Variants in CFAP206 observed in about 807,000 individuals in gnomAD.
The protein encoded by CFAP206 is cilia and flagella associated protein 206.
CFAP206 carries 53 observed loss-of-function variants against 65.4 expected under a neutral mutation model. That is an observed-to-expected ratio of 0.81 (90% CI 0.65 to 1.02). The LOEUF (loss-of-function observed/expected upper bound fraction) is 1.02, where lower values mean the gene tolerates loss of function less well. Ranked by LOEUF, CFAP206 falls within the 50% of genes least tolerant of loss-of-function variation. The probability of loss-of-function intolerance (pLI) is 0.00; values close to 1 mark genes in which losing one functional copy is unlikely to be tolerated. For missense variants in CFAP206, 663 were observed against 753.2 expected (o/e 0.88, Z 1.40); for synonymous variants, 250 against 254.4 (o/e 0.98, Z 0.17).
intron 11 of CFAP206, 165 bp downstream of exon 11, chr6:87,435,218 G>T: frequency 4.2e-6 from 2 of 473,724 alleles, no homozygotes; most frequent in Non-Finnish European, 3.8e-6. Context: ...AAAACTAATT[G>T]AATCAAAGAA....
intron 3 of CFAP206, 64 bp downstream of exon 3, chr6:87,410,732 A>AT: frequency 1.8e-5 from 22 of 1,216,414 alleles, no homozygotes; most frequent in Non-Finnish European, 2.4e-5. Flanking sequence ...CAATATTTGT[A>AT]TTAGTCATTA....
At chr6:87,428,090 C>T (rs1163490190) in intron 8 of CFAP206, among the ~76,000 whole-genome samples, 3 of 149,496 alleles carry the variant, frequency 2.0e-5, no homozygotes, top group East Asian at 2.0e-4. Context: ...CGGGTTCAAG[C>T]GATTCTCCTG....
Position 87,464,182 on chromosome 6 carries a change from C to T in CFAP206, c.1801C>T (p.Arg601Cys), listed in dbSNP as rs146571078. 7.2e-4 allele frequency: 1,170 copies of T among 1,614,072 alleles called. 1 individual carries two copies. The highest frequency in any genetic ancestry group is 9.3e-4 in the Non-Finnish European group (1,095 of 1,179,996). Residue 601 changes from arginine (R) to cysteine (C), a missense_variant, in exon 13 of 13, where the codon CGT (arginine) becomes TGT (cysteine). Physicochemically the swap from Arg to Cys is radical, Grantham distance 180. Transcript: ENST00000369562. ...PRPQIYLAGL[R>C]GGKSEITDEV... ...GCCTCAGATTTACTTGGCTGGTCTT[C>T]GTGGAGGAAAGAGCGAAATCACCGA... is the stretch of plus-strand genomic sequence containing the variant.
chr6:87,415,578 G>A, intron 4 of CFAP206, 108 bp from the exon 5 acceptor site: 1 of 996,314 alleles, frequency 1.0e-6, no homozygotes, highest in African/African-American at 1.6e-5. Flanking sequence ...GAAATTACTT[G>A]TTTTCCTGAA....
intron 11 of CFAP206, among the ~76,000 whole-genome samples, chr6:87,443,477 A>T (rs1259754520): frequency 6.6e-6 from 1 of 151,756 alleles, no homozygotes; most frequent in Admixed American, 6.6e-5. Context: ...ATTTTCCTTT[A>T]TCTAGTTCCT....
intron 11 of CFAP206, among the ~76,000 whole-genome samples, chr6:87,439,096 G>T (rs1768324692): frequency 6.6e-6 from 1 of 152,014 alleles, no homozygotes. Context: ...TAATGAATTT[G>T]CTAAGTTTCC....
intron 11 of CFAP206, chr6:87,435,698 C>T (rs1361442775): frequency 6.6e-6 from 1 of 152,292 alleles, no homozygotes; most frequent in East Asian, 1.9e-4. Flanking sequence ...CTCACTCTGT[C>T]ACCCAGGATG....
At chr6:87,437,053 C>T (rs1469571091) in intron 11 of CFAP206, among the ~76,000 whole-genome samples, 1 of 152,032 alleles carries the variant, frequency 6.6e-6, no homozygotes, top group Non-Finnish European at 1.5e-5. Context: ...TCACTGCAAC[C>T]TCCACCTCCC....
intron 11 of CFAP206, among the ~76,000 whole-genome samples, chr6:87,453,142 T>A (rs1768572449): frequency 1.3e-5 from 2 of 152,010 alleles, no homozygotes; most frequent in African/African-American, 4.8e-5. Context: ...GATTTCTCTG[T>A]GGAAACTTTA....
chr6:87,453,220 T>G (rs897866376), intron 11 of CFAP206, among the ~76,000 whole-genome samples: 17 of 152,050 alleles, frequency 1.1e-4, no homozygotes, highest in Non-Finnish European at 4.4e-5. Context: ...TATCCTAGAA[T>G]GGTATATATC....
chr6:87,428,900 AT>A (rs1768105609), intron 9 of CFAP206, 76 bp downstream of exon 9: 14 of 1,343,050 alleles, frequency 1.0e-5, no homozygotes, highest in Non-Finnish European at 1.5e-5. Flanking sequence ...TGTTCTAAAA[AT>A]TTCATATCTT....
chr6:87,450,023 C>A (rs1270732329), intron 11 of CFAP206, among the ~76,000 whole-genome samples: 1 of 152,136 alleles, frequency 6.6e-6, no homozygotes, highest in Non-Finnish European at 1.5e-5. Flanking sequence ...GGTCTAGTTT[C>A]ATTCTTCTGC....
At chr6:87,434,199 C>T (rs763748698) in intron 10 of CFAP206, among the ~76,000 whole-genome samples, 3 of 151,898 alleles carry the variant, frequency 2.0e-5, no homozygotes, top group Non-Finnish European at 4.4e-5. Context: ...TCCACGAGTT[C>T]GAGACCAGCC....
chr6:87,455,307 A>G (rs566600714), intron 11 of CFAP206, among the ~76,000 whole-genome samples: 4 of 152,356 alleles, frequency 2.6e-5, no homozygotes, highest in South Asian at 4.1e-4. Flanking sequence ...ATTAAGAAGG[A>G]AATTAAAAAA....
At chr6:87,443,973 T>C (rs552173515) in intron 11 of CFAP206, among the ~76,000 whole-genome samples, 1 of 152,302 alleles carries the variant, frequency 6.6e-6, no homozygotes, top group Non-Finnish European at 1.5e-5. Flanking sequence ...ATTTTCATCA[T>C]AGTTCGGTTC....
chr6:87,416,198 A>C (rs1184404044), intron 5 of CFAP206, among the ~76,000 whole-genome samples: 2 of 152,200 alleles, frequency 1.3e-5, no homozygotes, highest in African/African-American at 4.8e-5. Context: ...GGAAAAGCTG[A>C]AAACGGATAT....
chr6:87,423,342 G>C (rs542184251), intron 7 of CFAP206, among the ~76,000 whole-genome samples: 3 of 151,356 alleles, frequency 2.0e-5, no homozygotes, highest in African/African-American at 7.3e-5. Flanking sequence ...TCCGCCTCCC[G>C]GGTTCACGCC....
chr6:87,443,633 C>T (rs1768390371), intron 11 of CFAP206, among the ~76,000 whole-genome samples: 1 of 152,052 alleles, frequency 6.6e-6, no homozygotes, highest in Non-Finnish European at 1.5e-5. Flanking sequence ...ATGATTACAA[C>T]CTTTATTTTA....
intron 3 of CFAP206, 62 bp downstream of exon 3, chr6:87,410,730 G>A: frequency 7.8e-7 from 1 of 1,287,798 alleles, no homozygotes; most frequent in East Asian, 2.3e-5. Flanking sequence ...TACAATATTT[G>A]TATTAGTCAT....
Sources: allele counts gnomAD v4.1 joint callset (sites outside exome capture counted in the v4.1 genomes callset), GRCh38; gene constraint gnomAD v4.1.1; transcripts MANE v1.5; gene names NCBI Gene and HGNC (gene_info 2026-07-23, HGNC 2026-07-21).